KCNQ5: variants seen among roughly 807,000 people sequenced by gnomAD.
KCNQ5 encodes potassium voltage-gated channel subfamily KQT member 5.
In KCNQ5, 30 loss-of-function variants were observed where a neutral mutation model predicts 98.2. The observed-to-expected ratio is 0.31, with a 90% CI of 0.23 to 0.41. KCNQ5 has a LOEUF of 0.41. KCNQ5 is among the 10% of genes least tolerant of loss of function. KCNQ5 has a pLI of 1.00. For synonymous variants in KCNQ5, 458 were observed against 449.4 expected, an observed-to-expected ratio of 1.02 and a Z score of -0.24; for missense variants, 835 against 1,182.5, an observed-to-expected ratio of 0.71 and a Z score of 4.31.
At chr6:73,150,167 C>G (rs2150479836) in intron 10 of KCNQ5, among the ~76,000 whole-genome samples, 1 of 152,042 alleles carries the variant, frequency 6.6e-6, no homozygotes, top group East Asian at 1.9e-4. Flanking sequence ...GATATCACTA[C>G]ACACCTGCCA....
At chr6:72,711,239 A>G (rs1769356236) in intron 1 of KCNQ5, among the ~76,000 whole-genome samples, 1 of 152,022 alleles carries the variant, frequency 6.6e-6, no homozygotes, top group Non-Finnish European at 1.5e-5. Flanking sequence ...AGCAAGAAGT[A>G]GCCATTTACA....
At chr6:72,881,872 A>G (rs918879879) in intron 1 of KCNQ5, among the ~76,000 whole-genome samples, 2 of 152,184 alleles carry the variant, frequency 1.3e-5, no homozygotes, top group East Asian at 1.9e-4. Context: ...TTGTATTTTC[A>G]GTAGAGATGG....
intron 2 of KCNQ5, among the ~76,000 whole-genome samples, chr6:73,020,786 A>G (rs1237811734): frequency 6.6e-6 from 1 of 152,176 alleles, no homozygotes; most frequent in East Asian, 1.9e-4. Context: ...ATGCCAGGAA[A>G]CAAGGAGGAA....
chr6:73,144,583 A>G (rs1395981974), intron 10 of KCNQ5, among the ~76,000 whole-genome samples: 2 of 152,182 alleles, frequency 1.3e-5, no homozygotes, highest in Non-Finnish European at 2.9e-5. Context: ...TCATGACCCT[A>G]TATCTCTTCA....
chr6:72,921,074 G>A (rs1182325516), intron 1 of KCNQ5, among the ~76,000 whole-genome samples: 1 of 152,084 alleles, frequency 6.6e-6, no homozygotes, highest in Non-Finnish European at 1.5e-5. Flanking sequence ...TGTCTAGTTG[G>A]GCTGAAGGGA....
chr6:72,802,850 G>A (rs750977056), intron 1 of KCNQ5, among the ~76,000 whole-genome samples: 2 of 152,104 alleles, frequency 1.3e-5, no homozygotes, highest in African/African-American at 4.8e-5. Flanking sequence ...CAGCCTCATA[G>A]AACTTGTTCT....
At chr6:72,826,314 AAT>A (rs1407273006) in intron 1 of KCNQ5, among the ~76,000 whole-genome samples, 1 of 152,166 alleles carries the variant, frequency 6.6e-6, no homozygotes, top group Non-Finnish European at 1.5e-5. Flanking sequence ...AGATAATTAT[AAT>A]GAGTTAAATT....
chr6:72,669,762 A>T (rs1203909174), intron 1 of KCNQ5, among the ~76,000 whole-genome samples: 1 of 152,136 alleles, frequency 6.6e-6, no homozygotes, highest in African/African-American at 2.4e-5. Flanking sequence ...AAACTGGCAG[A>T]GTCTCTGCTG....
Position 72,771,652 on chromosome 6 carries a change from C to CTGTGTGTGTGTGTGTGTG in KCNQ5, c.398+149081_398+149098dup, listed in dbSNP as rs150518788. ...ACATTTGAATATAGTAACCATTTCA[C>CTGTGTGTGTGTGTGTGTG]TGTGTGTGTGTGTGTGTGTGTGTGT... On this transcript the variant is annotated intron_variant, in intron 1 of 13. Transcript: ENST00000370398. 1.4e-4 allele frequency among the ~76,000 whole-genome samples: 21 copies of CTGTGTGTGTGTGTGTGTG among 147,864 alleles called. 1 individual carries two copies. Among genetic ancestry groups the CTGTGTGTGTGTGTGTGTG allele is most frequent in the South Asian group, 4.4e-4 (2 of 4,524 alleles).
intron 1 of KCNQ5, among the ~76,000 whole-genome samples, chr6:72,623,617 A>T (rs575865805): frequency 3.3e-5 from 5 of 151,988 alleles, no homozygotes; most frequent in Admixed American, 6.5e-5. Context: ...TGTTTTTATA[A>T]TGTTACCTCG....
chr6:72,861,241 A>G (rs1441611329), intron 1 of KCNQ5, among the ~76,000 whole-genome samples: 2 of 152,202 alleles, frequency 1.3e-5, no homozygotes, highest in African/African-American at 4.8e-5. Context: ...AGAAGAAAAC[A>G]GGTGGTTGTA....
chr6:72,892,376 G>A (rs1029388139), intron 1 of KCNQ5, among the ~76,000 whole-genome samples: 3 of 152,130 alleles, frequency 2.0e-5, no homozygotes, highest in African/African-American at 7.2e-5. Context: ...GCCTCAATTG[G>A]TCAGAGCCCT....
chr6:72,831,737 A>T (rs1032372798), intron 1 of KCNQ5, among the ~76,000 whole-genome samples: 4 of 129,800 alleles, frequency 3.1e-5, no homozygotes, highest in South Asian at 6.3e-4. Context: ...ATTTAAAAAA[A>T]AAATAAAATA....
intron 2 of KCNQ5, among the ~76,000 whole-genome samples, chr6:73,007,466 T>A (rs1455975974): frequency 2.6e-5 from 4 of 152,148 alleles, no homozygotes; most frequent in Non-Finnish European, 5.9e-5. Context: ...GGATTCTGTC[T>A]CCCCACCTAA....
At chr6:72,788,766 T>A (rs1773884071) in intron 1 of KCNQ5, among the ~76,000 whole-genome samples, 1 of 152,202 alleles carries the variant, frequency 6.6e-6, no homozygotes, top group Non-Finnish European at 1.5e-5. Flanking sequence ...ATGTCTTTTT[T>A]TGTATAAGAT....
intron 1 of KCNQ5, among the ~76,000 whole-genome samples, chr6:72,675,477 G>A (rs948674525): frequency 6.6e-5 from 10 of 152,116 alleles, no homozygotes; most frequent in African/African-American, 2.2e-4. Flanking sequence ...TTTGCCTAGG[G>A]CCCACTGATT....
chr6:73,028,048 T>C (rs1461555012), intron 2 of KCNQ5, among the ~76,000 whole-genome samples: 1 of 152,242 alleles, frequency 6.6e-6, no homozygotes, highest in African/African-American at 2.4e-5. Flanking sequence ...CTTGCCTTAA[T>C]ACAATTCTAT....
At chr6:72,795,816 T>C (rs185320299) in intron 1 of KCNQ5, among the ~76,000 whole-genome samples, 1 of 152,280 alleles carries the variant, frequency 6.6e-6, no homozygotes, top group East Asian at 1.9e-4. Context: ...AAAGTCTCTA[T>C]TATTATCATG....
intron 1 of KCNQ5, among the ~76,000 whole-genome samples, chr6:72,697,460 C>T (rs1007705246): frequency 6.6e-6 from 1 of 152,086 alleles, no homozygotes; most frequent in African/African-American, 2.4e-5. Context: ...AGATTTAAAC[C>T]TTAAATTCTA....
Sources: gnomAD v4.1 joint callset for allele counts (sites outside exome capture counted in the v4.1 genomes callset) on GRCh38, gnomAD v4.1.1 for gene constraint, MANE v1.5 for transcripts, NCBI Gene and HGNC (gene_info 2026-07-23, HGNC 2026-07-21) for gene names.